The following PLXNA2 variants were observed in gnomAD, a reference collection of about 807,000 sequenced individuals.
The protein encoded by PLXNA2 is plexin A2, also known as plexin-A2.
PLXNA2 carries 91 observed loss-of-function variants against 193.5 expected under a neutral mutation model. The ratio of observed to expected loss-of-function variants is 0.47; its 90% CI spans 0.40 to 0.56. The LOEUF (loss-of-function observed/expected upper bound fraction) is 0.56, where lower values mean the gene tolerates loss of function less well. Ranked by LOEUF, PLXNA2 falls within the 20% of genes least tolerant of loss-of-function variation. The pLI is 0.00. For synonymous variants in PLXNA2, 997 were observed against 1,027.3 expected, an observed-to-expected ratio of 0.97 and a Z score of 0.56; for missense variants, 1,995 against 2,503.2, an observed-to-expected ratio of 0.80 and a Z score of 4.33.
At chr1:208,114,986 G>A (rs1048849484) in intron 4 of PLXNA2, among the ~76,000 whole-genome samples, 11 of 152,212 alleles carry the variant, frequency 7.2e-5, no homozygotes, top group African/African-American at 2.7e-4. Context: ...TTTTGGTATA[G>A]AGCTCATTTA....
intron 9 of PLXNA2, among the ~76,000 whole-genome samples, 156 bp downstream of exon 9, chr1:208,092,630 T>C (rs1452177841): frequency 6.6e-6 from 1 of 152,190 alleles, no homozygotes; most frequent in Non-Finnish European, 1.5e-5. Context: ...TTGAGCTTTA[T>C]AATAACAGGG....
At chr1:208,130,967 G>GGT (rs1237846481) in intron 4 of PLXNA2, among the ~76,000 whole-genome samples, 2 of 152,180 alleles carry the variant, frequency 1.3e-5, no homozygotes, top group African/African-American at 4.8e-5. Flanking sequence ...ATCAAAAAGT[G>GGT]GTGGTCAGCT....
chr1:208,075,186 C>T (rs1349216551), intron 12 of PLXNA2, among the ~76,000 whole-genome samples: 1 of 152,058 alleles, frequency 6.6e-6, no homozygotes, highest in Non-Finnish European at 1.5e-5. Context: ...TGGCACGTGC[C>T]TGTAGTACCA....
chr1:208,218,736 C>T (rs1486353371), intron 1 of PLXNA2, among the ~76,000 whole-genome samples: 1 of 152,214 alleles, frequency 6.6e-6, no homozygotes, highest in Admixed American at 6.5e-5. Flanking sequence ...CATTCCGGAG[C>T]CGGAAAAGCC....
chr1:208,054,172 A>G (rs1024628181), intron 14 of PLXNA2, among the ~76,000 whole-genome samples: 1 of 151,782 alleles, frequency 6.6e-6, no homozygotes, highest in South Asian at 2.1e-4. Context: ...CTTATTTAGA[A>G]CTCTGACCTG....
chr1:208,028,886 G>T lies in PLXNA2; in HGVS notation c.5382C>A (p.Pro1794=). 1.9e-6 allele frequency: 3 copies of T among 1,614,174 alleles called. No homozygotes were observed. Among genetic ancestry groups the T allele is most frequent in the Non-Finnish European group, 2.5e-6 (3 of 1,180,016 alleles). The change falls in exon 30 of 32, where the codon CCC becomes CCA. Residue 1794 remains proline (P), a synonymous_variant. Transcript: ENST00000367033. This position sits in a 1 kb window ranked among gnomAD's most constrained non-coding sequence, Gnocchi z 4.2. ...TSEHRLGKDS[P]SNKLLYAKDI... is the part of the protein sequence containing the mutation. ...CCTTGGCATAGAGCAGCTTGTTGGA[G>T]GGGGAGTCCTTGCCCAGCCGGTGCT...
chr1:208,140,072 T>C (rs959757262), intron 4 of PLXNA2, among the ~76,000 whole-genome samples: 1 of 152,204 alleles, frequency 6.6e-6, no homozygotes, highest in African/African-American at 2.4e-5. Flanking sequence ...CTGCTCATCG[T>C]GGCTGGCTAC....
At chr1:208,117,658 C>A (rs112337031) in intron 4 of PLXNA2, among the ~76,000 whole-genome samples, 2 of 152,254 alleles carry the variant, frequency 1.3e-5, no homozygotes, top group African/African-American at 2.4e-5. Flanking sequence ...AAGAACCCAG[C>A]CCTGTAAGAG....
chr1:208,134,674 G>T (rs1210699752), intron 4 of PLXNA2, among the ~76,000 whole-genome samples: 1 of 152,158 alleles, frequency 6.6e-6, no homozygotes, highest in Non-Finnish European at 1.5e-5. Flanking sequence ...TCCCAGCCCA[G>T]GCAGAAGGGA....
At chr1:208,042,925 C>T in intron 21 of PLXNA2, 136 bp downstream of exon 21, 1 of 810,266 alleles carries the variant, frequency 1.2e-6, no homozygotes, top group Non-Finnish European at 1.9e-6. Flanking sequence ...AGCTCTGTTG[C>T]TGAGATGCTG....
At chr1:208,095,160 T>C (rs1157040093) in intron 8 of PLXNA2, among the ~76,000 whole-genome samples, 1 of 152,238 alleles carries the variant, frequency 6.6e-6, no homozygotes, top group Non-Finnish European at 1.5e-5. Context: ...CCTATGACCC[T>C]TATGTGGCTC....
At chr1:208,200,577 C>CTTTTTTTTTTTTTTTTTTTTTTT (rs36026400) in intron 3 of PLXNA2, among the ~76,000 whole-genome samples, 6 of 114,000 alleles carry the variant, frequency 5.3e-5, no homozygotes, top group Non-Finnish European at 5.0e-5. Context: ...CCCAATCCTT[C>CTTTTTTTTTTTTTTTTTTTTTTT]TTTTTTTTTT....
At chr1:208,196,035 C>T (rs1670346598) in intron 3 of PLXNA2, among the ~76,000 whole-genome samples, 2 of 152,034 alleles carry the variant, frequency 1.3e-5, no homozygotes. Context: ...CATACAAGAC[C>T]TTGCTAGTGA....
At chr1:208,067,064 G>T (rs1304065641) in intron 12 of PLXNA2, among the ~76,000 whole-genome samples, 1 of 152,168 alleles carries the variant, frequency 6.6e-6, no homozygotes, top group Non-Finnish European at 1.5e-5. Flanking sequence ...ATAGTAACTG[G>T]CCGGGCGCAG....
rs573321883 is a variant in PLXNA2 at position 208,181,004 on chromosome 1, A to T, written c.1371+29276T>A. 1.5e-3 allele frequency among the ~76,000 whole-genome samples: 221 copies of T among 152,316 alleles called. 1 individual carries two copies. Among genetic ancestry groups the T allele is most frequent in the African/African-American group, 4.9e-3 (205 of 41,572 alleles). The stretch of plus-strand genomic sequence containing the variant: ...AAACTCCAGCCTTCCAAGCCTTCCA[A>T]AGTTCACTCAGTGAGAAACCTCTAG... On this transcript the variant is annotated intron_variant, in intron 3 of 31. Transcript: ENST00000367033.
chr1:208,121,874 C>T (rs138754763), intron 4 of PLXNA2, among the ~76,000 whole-genome samples: 60 of 152,246 alleles, frequency 3.9e-4, no homozygotes, highest in South Asian at 3.1e-3. Flanking sequence ...CACACCAATA[C>T]AGTGACACCA....
chr1:208,203,707 T>C (rs1209882764), intron 3 of PLXNA2, among the ~76,000 whole-genome samples: 2 of 151,934 alleles, frequency 1.3e-5, no homozygotes, highest in African/African-American at 2.4e-5. Context: ...AGGGTGGGGG[T>C]GAGCATATAA....
At chr1:208,067,258 C>T (rs564208328) in intron 12 of PLXNA2, among the ~76,000 whole-genome samples, 7 of 151,366 alleles carry the variant, frequency 4.6e-5, no homozygotes, top group Non-Finnish European at 8.8e-5. Flanking sequence ...GCAGGAGAAT[C>T]ACTTGAAGCC....
intron 12 of PLXNA2, among the ~76,000 whole-genome samples, chr1:208,068,806 C>A (rs1277063464): frequency 1.3e-5 from 2 of 152,172 alleles, no homozygotes; most frequent in Non-Finnish European, 2.9e-5. Flanking sequence ...CTTTAGGCAC[C>A]TTTCATTCAG....
Sources: allele counts gnomAD v4.1 joint callset (sites outside exome capture counted in the v4.1 genomes callset), GRCh38; gene constraint gnomAD v4.1.1; non-coding constraint Gnocchi (gnomAD v3.1); transcripts MANE v1.5; gene names NCBI Gene and HGNC (gene_info 2026-07-23, HGNC 2026-07-21).